Variants in AMOT observed in about 807,000 individuals in gnomAD.
AMOT encodes the protein angiomotin.
AMOT carries 11 observed loss-of-function variants against 67.0 expected under a neutral mutation model. The observed-to-expected ratio is 0.16, with a 90% CI of 0.10 to 0.27. AMOT has a LOEUF of 0.27. Among genes scored for constraint, AMOT ranks in the 10% least tolerant of loss-of-function variants. AMOT has a pLI of 1.00. For synonymous variants in AMOT, 326 were observed against 321.4 expected (o/e 1.01, Z -0.15); for missense variants, 753 against 852.0 (o/e 0.88, Z 1.45).
intron 8 of AMOT, among the ~76,000 whole-genome samples, chrX:112,797,820 G>A (rs1427131928): frequency 1.9e-5 from 2 of 107,358 alleles, no homozygotes; most frequent in Non-Finnish European, 3.9e-5. Context: ...AAGAAAGAGA[G>A]AGGAAGAAGA....
At chrX:112,785,781 G>A (rs996721924) in intron 10 of AMOT, among the ~76,000 whole-genome samples, 5 of 112,176 alleles carry the variant, frequency 4.5e-5, no homozygotes, top group East Asian at 2.8e-4. Context: ...AAGTGGCAAC[G>A]GAAATGGAAA....
intron 10 of AMOT, among the ~76,000 whole-genome samples, chrX:112,787,163 A>G (rs1442717439): frequency 8.9e-6 from 1 of 112,287 alleles, no homozygotes; most frequent in Non-Finnish European, 1.9e-5. Flanking sequence ...GTATCATAAT[A>G]TCAAAGTGTT....
chrX:112,791,489 C>G (rs768196205), intron 9 of AMOT, among the ~76,000 whole-genome samples: 12 of 112,271 alleles, frequency 1.1e-4, no homozygotes, highest in Non-Finnish European at 1.7e-4. Context: ...AGTGGTACAG[C>G]CAGATGATTT....
In AMOT at chrX:112,811,296, A is replaced by G; in HGVS notation, c.1490T>C (p.Leu497Pro). The change falls in exon 6 of 14, where the codon CTA becomes CCA. Residue 497 changes from leucine (L) to proline (P), a missense_variant. Around this residue, in one of 5 missense-constraint regions of AMOT, gnomAD observed 297 missense variants for 284.3 expected, o/e 1.04. Coordinates refer to ENST00000371959, the MANE Select transcript of AMOT (RefSeq NM_001113490.2). ...ATGCATCCTCCGAATCTCGCCCTCT[A>G]GCTTGTTTCTCATGGCTTTCTCTAG... ...EALEKAMRNKLEGEIRRMHDF... is the reference protein window; with the variant it reads ...EALEKAMRNKPEGEIRRMHDF... The G allele has an allele frequency of 8.3e-7, 1 of 1,211,123 alleles. No homozygotes were observed. Among genetic ancestry groups the G allele is most frequent in the Non-Finnish European group, 1.1e-6 (1 of 895,270 alleles).
intron 7 of AMOT, among the ~76,000 whole-genome samples, chrX:112,805,402 CACACACACACACACAG>C (rs1368634174): frequency 1.8e-5 from 2 of 108,591 alleles, no homozygotes; most frequent in African/African-American, 7.0e-5. Context: ...CACACACACA[CACACACACACACACAG>C]AGCCCTCAGA....
chrX:112,816,518 C>A (rs1176819199), intron 4 of AMOT, among the ~76,000 whole-genome samples: 1 of 112,025 alleles, frequency 8.9e-6, no homozygotes, highest in Non-Finnish European at 1.9e-5. Flanking sequence ...TTAGCAGTAA[C>A]CATAAAAAGA....
chrX:112,789,638 C>A (rs1933500276), intron 10 of AMOT, among the ~76,000 whole-genome samples: 1 of 110,947 alleles, frequency 9.0e-6, no homozygotes, highest in Admixed American at 9.6e-5. Context: ...CATATCCCAA[C>A]CCAAAGTCTG....
At chrX:112,834,036 G>C (rs1266917589) in intron 1 of AMOT, among the ~76,000 whole-genome samples, 1 of 111,984 alleles carries the variant, frequency 8.9e-6, no homozygotes, top group Non-Finnish European at 1.9e-5. Context: ...CTTCATAAAA[G>C]GATGTCAAAC....
chrX:112,805,211 G>C, intron 7 of AMOT, 119 bp from the exon 8 acceptor site: 1 of 847,430 alleles, frequency 1.2e-6, no homozygotes, highest in Non-Finnish European at 1.6e-6. Context: ...CACAGCTGAA[G>C]AACCAGTATA....
chrX:112,822,739 C>T lies in AMOT; in HGVS notation c.388G>A (p.Ala130Thr). ...TTGGTGACTCCAGTGACATAGAAGG[C>T]AGCTCCAACACTGGCATGCTGTTGG... ...RGQQHASVGA[A>T]FYVTGVTNQK... The change falls in exon 4 of 14, where the codon GCC (alanine) becomes ACC (threonine). Residue 130 changes from alanine to threonine, a missense_variant. Physicochemically the swap from Ala to Thr is moderately conservative, Grantham distance 58 (BLOSUM62 0). Around this residue, in one of 5 missense-constraint regions of AMOT, gnomAD observed 118 missense variants for 125.9 expected, o/e 0.94. Transcript: ENST00000371959. The T allele has an allele frequency of 8.6e-7, 1 of 1,166,763 alleles. No homozygotes were observed.
At chrX:112,808,945 C>G (rs1934271156) in intron 7 of AMOT, among the ~76,000 whole-genome samples, 2 of 112,026 alleles carry the variant, frequency 1.8e-5, no homozygotes, top group African/African-American at 6.5e-5. Context: ...AACAGAACAA[C>G]CCAGGAAGGG....
intron 7 of AMOT, among the ~76,000 whole-genome samples, chrX:112,808,259 C>T (rs1362025398): frequency 1.8e-5 from 2 of 112,012 alleles, no homozygotes; most frequent in Non-Finnish European, 3.8e-5. Flanking sequence ...AAAACAGAGA[C>T]CCAGACAGCT....
At chrX:112,779,723 T>C in intron 12 of AMOT, 43 bp from the exon 13 acceptor site, 1 of 1,003,135 alleles carries the variant, frequency 1.0e-6, no homozygotes, top group Non-Finnish European at 1.3e-6. Context: ...CAATAGGTGA[T>C]TCAAATCCAG....
At chrX:112,809,765 A>G (rs1934297290) in intron 7 of AMOT, 129 bp downstream of exon 7, 1 of 537,937 alleles carries the variant, frequency 1.9e-6, no homozygotes, top group South Asian at 3.6e-5. Flanking sequence ...CTGAATAGGA[A>G]AAACAATCCT....
At chrX:112,804,811 G>A in intron 8 of AMOT, 136 bp downstream of exon 8, 1 of 876,442 alleles carries the variant, frequency 1.1e-6, no homozygotes, top group South Asian at 2.6e-5. Flanking sequence ...TCAGCACAGT[G>A]GAAACTAGGA....
rs1935181325 is a variant in AMOT, at chrX:112,838,317, C to T, written c.-289+2135G>A. Among the ~76,000 whole-genome samples, 3 of 111,889 alleles carry T rather than the reference C, an allele frequency of 2.7e-5. No individual in the cohort carries two copies. In the South Asian group the frequency reaches 1.1e-3, roughly 42 times the overall value. Reference sequence around the variant, plus strand: ...AAATGGAAAAAAAGGCCTTAAAAAGCTGGATCAAAGGAAGAAAGGGGGATG... The same window carrying T: ...AAATGGAAAAAAAGGCCTTAAAAAGTTGGATCAAAGGAAGAAAGGGGGATG... On this transcript the variant is annotated intron_variant, in intron 1 of 13. Transcript: ENST00000371959.
intron 4 of AMOT, among the ~76,000 whole-genome samples, chrX:112,821,041 G>C (rs1425503229): frequency 9.6e-6 from 1 of 104,096 alleles, no homozygotes; most frequent in Non-Finnish European, 1.9e-5. Context: ...GGACCTGCAG[G>C]GGAAAAAAAA....
chrX:112,804,835 C>T, intron 8 of AMOT, 112 bp downstream of exon 8: 8 of 1,040,675 alleles, frequency 7.7e-6, no homozygotes, highest in South Asian at 2.3e-5. Context: ...GCAGATGGCA[C>T]CTCCCTTCTG....
chrX:112,789,545 C>T (rs1376877947), intron 10 of AMOT, among the ~76,000 whole-genome samples: 3 of 110,671 alleles, frequency 2.7e-5, no homozygotes, highest in Non-Finnish European at 5.7e-5. Context: ...AGCACCGGTT[C>T]AGCTCTTAGC....
Sources: gnomAD v4.1 joint callset for allele counts (sites outside exome capture counted in the v4.1 genomes callset) on GRCh38, gnomAD v4.1.1 for gene constraint, gnomAD v4.1.1 regional missense constraint, MANE v1.5 for transcripts, NCBI Gene and HGNC (gene_info 2026-07-23, HGNC 2026-07-21) for gene names.